The following RBM20 variants were observed in gnomAD, a reference collection of about 807,000 sequenced individuals.
RBM20 encodes RNA binding motif protein 20.
A neutral mutation model predicts 110.1 loss-of-function variants in RBM20; 51 were observed. That is an observed-to-expected ratio of 0.46 (90% CI 0.37 to 0.59). The LOEUF is 0.59. Ranked by LOEUF, RBM20 falls within the 20% of genes least tolerant of loss-of-function variation. The pLI, the probability that RBM20 is intolerant of heterozygous loss-of-function variation, is 0.00. For missense variants in RBM20, 1,512 were observed against 1,574.9 expected (o/e 0.96, Z 0.68); for synonymous variants, 589 against 618.2 (o/e 0.95, Z 0.70).
At chr10:110,747,068 G>T (rs1171255192) in intron 1 of RBM20, among the ~76,000 whole-genome samples, 1 of 152,094 alleles carries the variant, frequency 6.6e-6, no homozygotes, top group Non-Finnish European at 1.5e-5. Context: ...TCCTGGTTTT[G>T]ATCATGTAAT....
rs139165125 is a variant in RBM20, at chr10:110,776,896, C to T, written c.192-3905C>T. On this transcript the variant is annotated intron_variant, in intron 1 of 13. Transcript: ENST00000369519. ...TGGAGTGGGAAATTGTAGATAGTGA[C>T]CTAGGAAGGTGACTTTGTACCTGCT... 4.8e-3 allele frequency among the ~76,000 whole-genome samples: 724 copies of T among 152,188 alleles called. 7 individuals are homozygous for T. The highest frequency in any genetic ancestry group is 8.5e-3 in the Admixed American group (130 of 15,296).
chr10:110,816,196 TA>T (rs1844835568), intron 9 of RBM20, among the ~76,000 whole-genome samples: 1 of 151,714 alleles, frequency 6.6e-6, no homozygotes, highest in Admixed American at 6.6e-5. Context: ...CCTTCGTCTT[TA>T]CTCATGGCCA....
intron 1 of RBM20, among the ~76,000 whole-genome samples, chr10:110,718,889 T>C (rs1451314194): frequency 6.6e-6 from 1 of 152,190 alleles, no homozygotes; most frequent in Non-Finnish European, 1.5e-5. Context: ...GTGTTGGGAT[T>C]ACAGGCATAA....
At chr10:110,700,450 T>C (rs1862740794) in intron 1 of RBM20, among the ~76,000 whole-genome samples, 1 of 152,194 alleles carries the variant, frequency 6.6e-6, no homozygotes, top group Non-Finnish European at 1.5e-5. Flanking sequence ...TAAGAAATCC[T>C]TGGCTGCCAA....
At chr10:110,667,362 T>A (rs1416582839) in intron 1 of RBM20, among the ~76,000 whole-genome samples, 1 of 152,190 alleles carries the variant, frequency 6.6e-6, no homozygotes, top group Non-Finnish European at 1.5e-5. Context: ...TTTGGGATGA[T>A]CATTTAGCCT....
chr10:110,780,741 C>T, intron 1 of RBM20, 60 bp from the exon 2 acceptor site: 2 of 1,452,870 alleles, frequency 1.4e-6, no homozygotes, highest in East Asian at 5.0e-5. Context: ...TAACAAAGAA[C>T]AGCCCCTTGC....
chr10:110,680,516 T>C (rs185116913), intron 1 of RBM20, among the ~76,000 whole-genome samples: 2 of 152,316 alleles, frequency 1.3e-5, no homozygotes, highest in Non-Finnish European at 2.9e-5. Context: ...TCTCCTGGGC[T>C]GGCATGATGG....
chr10:110,749,655 A>G (rs1030176709), intron 1 of RBM20, among the ~76,000 whole-genome samples: 1 of 152,194 alleles, frequency 6.6e-6, no homozygotes, highest in South Asian at 2.1e-4. Context: ...CTAAAAAAGA[A>G]TAAAAGGGTC....
intron 13 of RBM20, among the ~76,000 whole-genome samples, chr10:110,834,853 C>T (rs765341653): frequency 6.6e-6 from 1 of 152,234 alleles, no homozygotes; most frequent in Non-Finnish European, 1.5e-5. Flanking sequence ...CCCAGTCTGC[C>T]TCACTGTGTT....
At chr10:110,671,914 C>A (rs1204660667) in intron 1 of RBM20, among the ~76,000 whole-genome samples, 1 of 152,146 alleles carries the variant, frequency 6.6e-6, no homozygotes, top group Non-Finnish European at 1.5e-5. Context: ...TACAGAGTTG[C>A]TATCCCTTTA....
At chr10:110,770,984 C>T (rs985478474) in intron 1 of RBM20, among the ~76,000 whole-genome samples, 45 of 152,310 alleles carry the variant, frequency 3.0e-4, no homozygotes, top group African/African-American at 9.1e-4. Flanking sequence ...TAATTTTGTC[C>T]GTGTTCAAAG....
chr10:110,673,755 A>G lies in RBM20; in HGVS notation c.191+29110A>G, dbSNP rs547949323. ...CCCCACATTCTGAGGACAGTGGCCT[A>G]TATTGAAACTGGAGGAATGAGGTTT... On this transcript the variant is annotated intron_variant, in intron 1 of 13. Coordinates refer to ENST00000369519, the MANE Select transcript of RBM20 (RefSeq NM_001134363.3). 2.6e-5 allele frequency among the ~76,000 whole-genome samples: 4 copies of G among 152,318 alleles called. No individual in the cohort carries two copies. In the South Asian group the frequency reaches 6.2e-4, roughly 24 times the overall value.
At chr10:110,801,473 A>G (rs1693529554) in intron 7 of RBM20, among the ~76,000 whole-genome samples, 2 of 151,904 alleles carry the variant, frequency 1.3e-5, no homozygotes, top group Admixed American at 1.3e-4. Context: ...TTGCTAACAC[A>G]TTGTCTTGTC....
In RBM20 at chr10:110,644,423, C is replaced by G. The variant is rs1287385583; in HGVS notation, c.-32C>G. The G allele has an allele frequency of 4.2e-6, 6 of 1,441,476 alleles. No homozygotes were observed. The highest frequency in any genetic ancestry group is 2.5e-4 in the Middle Eastern group (1 of 4,052). 89.3% of individuals were successfully genotyped at this position (1,441,476 alleles called of 1,614,324 possible). ...CGGGACCGCCCCTCCCTTGAGCTCT[C>G]TCGCCGCGATCCCGGGCGGGTCTCG... is the stretch of plus-strand genomic sequence containing the variant. On this transcript the variant is annotated 5_prime_UTR_variant, in exon 1 of 14. Coordinates refer to ENST00000369519, the MANE Select transcript of RBM20 (RefSeq NM_001134363.3). This position sits in a 1 kb window ranked among gnomAD's most constrained non-coding sequence, Gnocchi z 4.3.
chr10:110,817,678 A>G (rs1844857117), intron 9 of RBM20, among the ~76,000 whole-genome samples: 1 of 152,240 alleles, frequency 6.6e-6, no homozygotes, highest in South Asian at 2.1e-4. Context: ...AAGGTACGCA[A>G]TGCTGTGAGT....
At chr10:110,666,571 A>G (rs1170598588) in intron 1 of RBM20, among the ~76,000 whole-genome samples, 1 of 152,186 alleles carries the variant, frequency 6.6e-6, no homozygotes. Flanking sequence ...ATTTGAGCCC[A>G]GGAATTTGAG....
rs577830977 is a variant in RBM20, at chr10:110,711,587, C to T, written c.191+66942C>T. ...ACGGATGACTTTAAGGAAGTCCCCA[C>T]TAATGGGGAAAGTCAGAGAAGGGGT... On this transcript the variant is annotated intron_variant, in intron 1 of 13. Transcript: ENST00000369519. 7.9e-5 allele frequency among the ~76,000 whole-genome samples: 12 copies of T among 152,272 alleles called. No individual in the cohort carries two copies. In the South Asian group the frequency reaches 2.5e-3, roughly 32 times the overall value.
At chr10:110,648,649 T>C (rs1448511829) in intron 1 of RBM20, among the ~76,000 whole-genome samples, 1 of 151,838 alleles carries the variant, frequency 6.6e-6, no homozygotes, top group Non-Finnish European at 1.5e-5. Context: ...AAACTGCACA[T>C]AAGACAAGCA....
chr10:110,679,482 A>C (rs1030821079), intron 1 of RBM20, among the ~76,000 whole-genome samples: 6 of 152,062 alleles, frequency 3.9e-5, no homozygotes, highest in Admixed American at 2.6e-4. Context: ...CACCCTCCTA[A>C]AGCACTGGGA....
Sources: gnomAD v4.1 joint callset for allele counts (sites outside exome capture counted in the v4.1 genomes callset) on GRCh38, gnomAD v4.1.1 for gene constraint, Gnocchi (gnomAD v3.1) non-coding constraint, MANE v1.5 for transcripts, NCBI Gene and HGNC (gene_info 2026-07-23, HGNC 2026-07-21) for gene names.